FOXN3: variants seen among roughly 807,000 people sequenced by gnomAD.
The protein encoded by FOXN3 is forkhead box protein N3.
Under a neutral mutation model 38.4 loss-of-function variants are expected in FOXN3, and 7 were observed. The ratio of observed to expected loss-of-function variants is 0.18; its 90% CI spans 0.10 to 0.34. The LOEUF (loss-of-function observed/expected upper bound fraction) is 0.34, where lower values mean the gene tolerates loss of function less well. FOXN3 is among the 10% of genes least tolerant of loss of function. The pLI, the probability that FOXN3 is intolerant of heterozygous loss-of-function variation, is 1.00. For synonymous variants in FOXN3, 230 were observed against 242.2 expected (o/e 0.95, Z 0.47); for missense variants, 456 against 613.4 (o/e 0.74, Z 2.71).
intron 1 of FOXN3, among the ~76,000 whole-genome samples, chr14:89,616,386 G>A (rs1443321925): frequency 6.6e-6 from 1 of 152,036 alleles, no homozygotes; most frequent in African/African-American, 2.4e-5. Flanking sequence ...AAGTCAACTG[G>A]GTAATAATAA....
chr14:89,339,900 T>C (rs1201904607), intron 3 of FOXN3, among the ~76,000 whole-genome samples: 1 of 152,170 alleles, frequency 6.6e-6, no homozygotes, highest in Non-Finnish European at 1.5e-5. Context: ...GCTGGGAAGC[T>C]TGAAATGCAG....
At chr14:89,386,785 G>A (rs781010224) in intron 2 of FOXN3, among the ~76,000 whole-genome samples, 4 of 152,152 alleles carry the variant, frequency 2.6e-5, no homozygotes, top group Non-Finnish European at 4.4e-5. Context: ...GACTCTCTTC[G>A]TGAGAAGACG....
chr14:89,250,588 C>T (rs956554921), intron 4 of FOXN3, among the ~76,000 whole-genome samples: 1 of 152,238 alleles, frequency 6.6e-6, no homozygotes, highest in African/African-American at 2.4e-5. Flanking sequence ...GAAGCACATC[C>T]TGAGAAGTCA....
intron 1 of FOXN3, chr14:89,576,684 T>C (rs1295621826): frequency 1.3e-5 from 2 of 152,192 alleles, no homozygotes; most frequent in African/African-American, 4.8e-5. Context: ...CCCTTATCTG[T>C]ATAGAATTCG....
chr14:89,371,442 A>G (rs1050455287), intron 2 of FOXN3, among the ~76,000 whole-genome samples: 1 of 152,070 alleles, frequency 6.6e-6, no homozygotes, highest in African/African-American at 2.4e-5. Flanking sequence ...ACCTCCCATC[A>G]TGACCCACTT....
chr14:89,554,025 G>A (rs60513146), intron 1 of FOXN3, among the ~76,000 whole-genome samples: 5,579 of 151,848 alleles, frequency 0.037, 323 homozygotes, highest in African/African-American at 0.13. Flanking sequence ...TTTATTAGAC[G>A]GAGTCCCGCT....
chr14:89,525,491 C>T (rs374337752), intron 1 of FOXN3, among the ~76,000 whole-genome samples: 3 of 152,146 alleles, frequency 2.0e-5, no homozygotes, highest in African/African-American at 7.2e-5. Context: ...CCCAGAAAAC[C>T]CATGTATAAT....
At chr14:89,272,956 G>T (rs1886194086) in intron 4 of FOXN3, among the ~76,000 whole-genome samples, 1 of 152,150 alleles carries the variant, frequency 6.6e-6, no homozygotes, top group African/African-American at 2.4e-5. Flanking sequence ...GCTGAAATTG[G>T]CCTCCTATTC....
intron 1 of FOXN3, among the ~76,000 whole-genome samples, chr14:89,525,926 A>G (rs961423762): frequency 2.6e-5 from 4 of 152,172 alleles, no homozygotes; most frequent in Admixed American, 2.6e-4. Flanking sequence ...TACATGGCCA[A>G]GTGGAGTTTA....
intron 3 of FOXN3, among the ~76,000 whole-genome samples, chr14:89,312,486 C>T (rs979585750): frequency 6.6e-6 from 1 of 152,006 alleles, no homozygotes; most frequent in African/African-American, 2.4e-5. Context: ...GACAGGAGAA[C>T]AGTCAAATAT....
At chr14:89,569,197 T>TC (rs1439600087) in intron 1 of FOXN3, among the ~76,000 whole-genome samples, 6 of 150,110 alleles carry the variant, frequency 4.0e-5, no homozygotes, top group African/African-American at 1.2e-4. Context: ...AGAGCGAGAC[T>TC]CCGTCTCAAA....
chr14:89,472,487 A>G (rs1440768282), intron 1 of FOXN3, among the ~76,000 whole-genome samples: 5 of 152,014 alleles, frequency 3.3e-5, no homozygotes, highest in African/African-American at 4.8e-5. Context: ...TTGGGAGGCC[A>G]AGGCGGGCAG....
intron 4 of FOXN3, among the ~76,000 whole-genome samples, chr14:89,266,888 C>A (rs1468181796): frequency 6.6e-6 from 1 of 152,172 alleles, no homozygotes; most frequent in Non-Finnish European, 1.5e-5. Context: ...TTTGCAGCAA[C>A]ACCAAAAGCT....
intron 4 of FOXN3, among the ~76,000 whole-genome samples, chr14:89,239,551 G>A (rs758314702): frequency 3.9e-5 from 6 of 152,196 alleles, no homozygotes; most frequent in Non-Finnish European, 5.9e-5. Context: ...ATAGACATAG[G>A]TGCAAAGAAG....
At chr14:89,255,065 G>T (rs938549175) in intron 4 of FOXN3, among the ~76,000 whole-genome samples, 1 of 152,182 alleles carries the variant, frequency 6.6e-6, no homozygotes, top group Non-Finnish European at 1.5e-5. Flanking sequence ...AGTTCCCAGA[G>T]GCCAGGGGCT....
intron 4 of FOXN3, 29 bp from the exon 5 acceptor site, chr14:89,180,835 G>A (rs759093108): frequency 1.8e-5 from 28 of 1,546,594 alleles, no homozygotes; most frequent in South Asian, 1.2e-4. Context: ...GAAAGACACC[G>A]CACGTGAATT....
chr14:89,510,740 A>G (rs1894039840), intron 1 of FOXN3, among the ~76,000 whole-genome samples: 1 of 152,166 alleles, frequency 6.6e-6, no homozygotes, highest in South Asian at 2.1e-4. Flanking sequence ...TCAAGAGTTC[A>G]AGACCACCCT....
chr14:89,223,888 A>G (rs540811974), intron 4 of FOXN3, among the ~76,000 whole-genome samples: 8 of 152,388 alleles, frequency 5.2e-5, no homozygotes, highest in South Asian at 2.1e-4. Context: ...CAAGACATCA[A>G]TGCAGATCAA....
chr14:89,350,499 G>T, intron 3 of FOXN3, 173 bp downstream of exon 3: 2 of 511,820 alleles, frequency 3.9e-6, no homozygotes, highest in Non-Finnish European at 6.4e-6. Context: ...CAGCGGTAAG[G>T]TTTGTAGGAA....
Sources: allele counts gnomAD v4.1 joint callset (sites outside exome capture counted in the v4.1 genomes callset), GRCh38; gene constraint gnomAD v4.1.1; transcripts MANE v1.5; gene names NCBI Gene and HGNC (gene_info 2026-07-23, HGNC 2026-07-21).